TRERF1: variants seen among roughly 807,000 people sequenced by gnomAD.
The protein encoded by TRERF1 is transcriptional-regulating factor 1.
Under a neutral mutation model 122.9 loss-of-function variants are expected in TRERF1, and 27 were observed. The observed-to-expected ratio is 0.22, with a 90% CI of 0.16 to 0.30. The LOEUF (loss-of-function observed/expected upper bound fraction) is 0.30, where lower values mean the gene tolerates loss of function less well. Ranked by LOEUF, TRERF1 falls within the 10% of genes least tolerant of loss-of-function variation. TRERF1 has a pLI of 1.00. For synonymous variants in TRERF1, 636 were observed against 641.7 expected (o/e 0.99, Z 0.13); for missense variants, 1,248 against 1,560.3 (o/e 0.80, Z 3.37).
rs369568111 is a variant in TRERF1 at position 42,232,674 on chromosome 6, C to T, written c.3278+7G>A. On this transcript the variant is annotated splice_region_variant and intron_variant, in intron 17 of 17. Transcript: ENST00000372922. The surrounding 1 kb of genome is among the most constrained non-coding windows in gnomAD (Gnocchi z 4.5). ...CTCAGATTCAGTCCCCGGTCCCCTG[C>T]ACCTACTTGCCACACTCCTTGCAGG... The T allele has an allele frequency of 5.1e-4, 802 of 1,585,116 alleles. No individual in the cohort carries two copies. The highest frequency in any genetic ancestry group is 6.5e-4 in the Non-Finnish European group (756 of 1,158,768).
chr6:42,376,423 T>TA (rs777500053), intron 2 of TRERF1, among the ~76,000 whole-genome samples: 6 of 150,068 alleles, frequency 4.0e-5, no homozygotes, highest in Non-Finnish European at 7.4e-5. Context: ...GAGACAGGAG[T>TA]AAGAGGGAGA....
At chr6:42,359,416 C>A (rs1054961265) in intron 3 of TRERF1, among the ~76,000 whole-genome samples, 1 of 152,140 alleles carries the variant, frequency 6.6e-6, no homozygotes, top group Non-Finnish European at 1.5e-5. Flanking sequence ...CCCTCCAGAG[C>A]CTCCAGACTG....
intron 2 of TRERF1, among the ~76,000 whole-genome samples, chr6:42,371,573 T>C (rs1581841129): frequency 6.6e-6 from 1 of 152,160 alleles, no homozygotes; most frequent in South Asian, 2.1e-4. Context: ...ACATTTGCAA[T>C]GTATCCAAAC....
intron 5 of TRERF1, among the ~76,000 whole-genome samples, chr6:42,266,009 C>T (rs781094929): frequency 6.6e-6 from 1 of 152,034 alleles, no homozygotes; most frequent in Non-Finnish European, 1.5e-5. Context: ...GACCACCGCC[C>T]CACTCCTGGA....
intron 3 of TRERF1, among the ~76,000 whole-genome samples, chr6:42,339,285 C>A (rs750302539): frequency 6.6e-6 from 1 of 152,214 alleles, no homozygotes; most frequent in South Asian, 2.1e-4. Flanking sequence ...CTGTCCTCCA[C>A]GTCTCTCCTT....
rs113109433 is a variant in TRERF1 at position 42,440,337 on chromosome 6, C to T, written c.-454+10840G>A. Among the ~76,000 whole-genome samples, 3 of 152,224 alleles carry T rather than the reference C, an allele frequency of 2.0e-5. 1 individual carries two copies. Among genetic ancestry groups the T allele is most frequent in the African/African-American group, 7.2e-5 (3 of 41,542 alleles). ...AAGGATCAGGAGCCAGTCTTTGGAG[C>T]GGGTCCTGAGTTTGGATACCAGCTC... On this transcript the variant is annotated intron_variant, in intron 2 of 17. Coordinates refer to ENST00000372922, the Ensembl canonical transcript of TRERF1.
intron 2 of TRERF1, among the ~76,000 whole-genome samples, chr6:42,442,887 G>T (rs911320860): frequency 2.0e-5 from 3 of 152,202 alleles, no homozygotes; most frequent in African/African-American, 7.2e-5. Context: ...GATGCTGGCT[G>T]AACAGGTGAC....
At position 42,259,320 on chromosome 6, in the gene TRERF1, C is replaced by T. The variant is rs775662911; in HGVS notation, c.2269+19G>A. 13 of 1,490,762 alleles carry T rather than the reference C, an allele frequency of 8.7e-6. No individual in the cohort carries two copies. In the East Asian group the frequency reaches 1.6e-4, roughly 18 times the overall value. The allele number at this position is 1,490,762 out of a possible 1,614,324, so 92.3% of individuals were successfully genotyped here. A position where few individuals can be genotyped will look rare whatever the true frequency, so the allele number is the denominator to read the frequency against. On this transcript the variant is annotated intron_variant, in intron 9 of 17. Transcript: ENST00000372922. The surrounding 1 kb of genome is among the most constrained non-coding windows in gnomAD (Gnocchi z 4.9). Reference sequence around the variant, plus strand: ...ACCCAGCACCCAGAGCCCAGGAGGACGCTAAAGGGGTGACTCACTGGAGCG... The same window carrying T: ...ACCCAGCACCCAGAGCCCAGGAGGATGCTAAAGGGGTGACTCACTGGAGCG...
At chr6:42,258,318 GC>G in intron 9 of TRERF1, 117 bp from the exon 10 acceptor site, 1 of 869,544 alleles carries the variant, frequency 1.2e-6, no homozygotes, top group Non-Finnish European at 1.8e-6. Flanking sequence ...CCCAGCTCCT[GC>G]CAGAGTTATC....
At chr6:42,254,774 C>T (rs1158990176) in intron 13 of TRERF1, 77 bp downstream of exon 13, 22 of 1,373,704 alleles carry the variant, frequency 1.6e-5, no homozygotes, top group Non-Finnish European at 2.3e-5. Context: ...TTATCCATTG[C>T]TAGAAAGTGA....
chr6:42,405,296 C>T (rs762355495), intron 2 of TRERF1, among the ~76,000 whole-genome samples: 1 of 152,148 alleles, frequency 6.6e-6, no homozygotes, highest in Non-Finnish European at 1.5e-5. Context: ...GAGGCCCCAG[C>T]ACACAAGGTT....
Position 42,408,229 on chromosome 6 carries a change from G to GTGTGTGTGTATGTATATATACATACACA in TRERF1, c.-454+42920_-454+42947dup, listed in dbSNP as rs1311075188. 4.1e-3 allele frequency among the ~76,000 whole-genome samples: 380 copies of GTGTGTGTGTATGTATATATACATACACA among 93,826 alleles called. 6 individuals are homozygous for GTGTGTGTGTATGTATATATACATACACA. Among genetic ancestry groups the GTGTGTGTGTATGTATATATACATACACA allele is most frequent in the East Asian group, 0.024 (76 of 3,204 alleles). The allele number at this position is 93,826 out of a possible 152,430, so 61.6% of individuals were successfully genotyped here. A position where few individuals can be genotyped will look rare whatever the true frequency, so the allele number is the denominator to read the frequency against. ...TAAATAAATATATATATATATATAT[G>GTGTGTGTGTATGTATATATACATACACA]TGTGTGTGTATGTATATATACATAC... is the stretch of plus-strand genomic sequence containing the variant. On this transcript the variant is annotated intron_variant, in intron 2 of 17. Coordinates refer to ENST00000372922, the Ensembl canonical transcript of TRERF1.
chr6:42,268,685 C>T lies in TRERF1; in HGVS notation c.906G>A (p.Pro302=), dbSNP rs375267670. The T allele has an allele frequency of 2.2e-5, 35 of 1,614,020 alleles. No individual in the cohort carries two copies. Among genetic ancestry groups the T allele is most frequent in the Middle Eastern group, 3.3e-4 (2 of 6,084 alleles). ...GCTGCGGCTGCTGCTGCTGTGGCGG[C>T]GGCTGTGGCTGTGATGGGCGAATTT... The change falls in exon 5 of 18, where the codon CCG becomes CCA. Residue 302 remains proline, a synonymous_variant. Coordinates refer to ENST00000372922, the Ensembl canonical transcript of TRERF1. The surrounding 1 kb of genome is among the most constrained non-coding windows in gnomAD (Gnocchi z 4.4).
intron 2 of TRERF1, among the ~76,000 whole-genome samples, chr6:42,423,887 C>T (rs1457145239): frequency 6.6e-6 from 1 of 152,156 alleles, no homozygotes; most frequent in African/African-American, 2.4e-5. Flanking sequence ...AAAACCTGCC[C>T]CCCAACATTT....
intron 2 of TRERF1, among the ~76,000 whole-genome samples, chr6:42,427,573 C>A (rs564027362): frequency 1.4e-3 from 204 of 144,070 alleles, no homozygotes; most frequent in Middle Eastern, 7.8e-3. Flanking sequence ...TTTTTTGAGA[C>A]GAGGTCTCAT....
At chr6:42,383,749 G>A (rs1776354229) in intron 2 of TRERF1, among the ~76,000 whole-genome samples, 1 of 151,964 alleles carries the variant, frequency 6.6e-6, no homozygotes, top group African/African-American at 2.4e-5. Context: ...ATACAGAAAT[G>A]GGTCAAAGAG....
intron 13 of TRERF1, among the ~76,000 whole-genome samples, chr6:42,250,115 T>A (rs1196369181): frequency 2.0e-5 from 3 of 152,240 alleles, no homozygotes; most frequent in African/African-American, 4.8e-5. Flanking sequence ...TTAACTTCTC[T>A]GAGTCTCAGT....
At chr6:42,258,173 G>A in exon 10 of TRERF1, 1 of 1,614,182 alleles carries the variant, frequency 6.2e-7, no homozygotes, top group Non-Finnish European at 8.5e-7. Flanking sequence ...GCCCTGGGGT[G>A]ACCGTCACGT....
intron 3 of TRERF1, among the ~76,000 whole-genome samples, chr6:42,328,314 T>C (rs992580906): frequency 2.0e-5 from 3 of 151,940 alleles, no homozygotes; most frequent in Non-Finnish European, 4.4e-5. Context: ...CAGCCAACTA[T>C]CCCTAATTAA....
Sources: gnomAD v4.1 joint callset for allele counts (sites outside exome capture counted in the v4.1 genomes callset) on GRCh38, gnomAD v4.1.1 for gene constraint, Gnocchi (gnomAD v3.1) non-coding constraint, MANE v1.5 for transcripts, NCBI Gene and HGNC (gene_info 2026-07-23, HGNC 2026-07-21) for gene names.